CSMD3: variants seen among roughly 807,000 people sequenced by gnomAD.
The protein encoded by CSMD3 is CUB and sushi domain-containing protein 3.
CSMD3 carries 177 observed loss-of-function variants against 435.2 expected under a neutral mutation model. The ratio of observed to expected loss-of-function variants is 0.41; its 90% CI spans 0.36 to 0.46. The LOEUF (loss-of-function observed/expected upper bound fraction) is 0.46, where lower values mean the gene tolerates loss of function less well. Among genes scored for constraint, CSMD3 ranks in the 20% least tolerant of loss-of-function variants. The pLI is 0.34. For missense variants in CSMD3, 4,265 were observed against 4,504.6 expected (o/e 0.95, Z 1.52); for synonymous variants, 1,656 against 1,520.5 (o/e 1.09, Z -2.07).
At chr8:112,908,545 C>G (rs183711259) in intron 10 of CSMD3, among the ~76,000 whole-genome samples, 2 of 151,582 alleles carry the variant, frequency 1.3e-5, no homozygotes, top group Admixed American at 1.3e-4. Flanking sequence ...ATGAGCTGAT[C>G]ACATTCCTCC....
chr8:113,159,453 T>C (rs2131827103), intron 4 of CSMD3, among the ~76,000 whole-genome samples: 1 of 152,070 alleles, frequency 6.6e-6, no homozygotes, highest in East Asian at 1.9e-4. Context: ...GGGAAAAAAT[T>C]CAGAGTTGGG....
intron 13 of CSMD3, among the ~76,000 whole-genome samples, chr8:112,691,251 C>T (rs552800077): frequency 6.6e-6 from 1 of 152,062 alleles, no homozygotes; most frequent in Non-Finnish European, 1.5e-5. Flanking sequence ...CTTTAAAAAA[C>T]TGGATTTGAT....
rs191680790 is a variant in CSMD3 at position 113,162,086 on chromosome 8, A to G, written c.709+11636T>C. 1.8e-3 allele frequency among the ~76,000 whole-genome samples: 281 copies of G among 152,276 alleles called. 1 individual carries two copies. The highest frequency in any genetic ancestry group is 3.3e-3 in the Non-Finnish European group (222 of 68,018). The stretch of plus-strand genomic sequence containing the variant: ...CTATTAATAAATGTTAAATTGAATT[A>G]AAGTGGAGCAGAAGGACACTGGCTC... On this transcript the variant is annotated intron_variant, in intron 4 of 70. Transcript: ENST00000297405.
chr8:112,371,497 T>TC (rs914766384), intron 38 of CSMD3, among the ~76,000 whole-genome samples: 14 of 151,894 alleles, frequency 9.2e-5, no homozygotes, highest in African/African-American at 2.2e-4. Flanking sequence ...CCTAAATGTC[T>TC]CCCCCATCTC....
At chr8:113,085,168 G>A (rs998161155) in intron 5 of CSMD3, among the ~76,000 whole-genome samples, 5 of 151,374 alleles carry the variant, frequency 3.3e-5, no homozygotes, top group African/African-American at 9.7e-5. Context: ...CAAAGTGGGA[G>A]AAAATATTTT....
At chr8:112,817,440 G>A (rs1318289299) in intron 12 of CSMD3, among the ~76,000 whole-genome samples, 1 of 51,754 alleles carries the variant, frequency 1.9e-5, no homozygotes, top group Non-Finnish European at 3.6e-5. Flanking sequence ...ACATGGGAAA[G>A]AATCTGTGAA....
chr8:112,808,847 GGACTCCT>G (rs543970160), intron 12 of CSMD3, among the ~76,000 whole-genome samples: 43 of 152,074 alleles, frequency 2.8e-4, no homozygotes, highest in African/African-American at 9.9e-4. Context: ...AGCAATAAAA[GGACTCCT>G]GAATTAGTCT....
intron 13 of CSMD3, among the ~76,000 whole-genome samples, chr8:112,691,684 T>C (rs1469291703): frequency 1.3e-5 from 2 of 152,162 alleles, no homozygotes; most frequent in Non-Finnish European, 2.9e-5. Flanking sequence ...CTTCTAATGC[T>C]ATTAGTGTTT....
intron 3 of CSMD3, among the ~76,000 whole-genome samples, chr8:113,248,961 C>T (rs1458254086): frequency 3.3e-5 from 5 of 151,916 alleles, no homozygotes; most frequent in Admixed American, 3.3e-4. Flanking sequence ...TATGGTTTGG[C>T]TGTGTCCCCA....
chr8:113,053,294 T>G (rs574911141), intron 5 of CSMD3, among the ~76,000 whole-genome samples: 287 of 152,318 alleles, frequency 1.9e-3, no homozygotes, highest in African/African-American at 6.5e-3. Context: ...GATTGTATTC[T>G]TAAACTTTTT....
At chr8:112,752,850 G>A (rs1273672791) in intron 13 of CSMD3, among the ~76,000 whole-genome samples, 1 of 151,982 alleles carries the variant, frequency 6.6e-6, no homozygotes, top group Non-Finnish European at 1.5e-5. Context: ...TTCCTATAGT[G>A]TAAGAAGGAG....
chr8:112,317,166 T>C (rs1309995615), intron 47 of CSMD3, among the ~76,000 whole-genome samples: 1 of 152,008 alleles, frequency 6.6e-6, no homozygotes, highest in Non-Finnish European at 1.5e-5. Context: ...AAAAATTTTC[T>C]ATGTTTTCTG....
At chr8:112,771,905 A>G (rs2078126802) in intron 13 of CSMD3, among the ~76,000 whole-genome samples, 1 of 152,098 alleles carries the variant, frequency 6.6e-6, no homozygotes. Flanking sequence ...TTTCTGAGGA[A>G]AACAATTTTC....
chr8:113,057,842 T>C (rs1032045148), intron 5 of CSMD3, among the ~76,000 whole-genome samples: 5 of 151,894 alleles, frequency 3.3e-5, no homozygotes, highest in Admixed American at 6.6e-5. Flanking sequence ...AAAATAGATA[T>C]GTAGGATATG....
chr8:113,335,534 C>CTTT (rs1554614083), intron 1 of CSMD3, among the ~76,000 whole-genome samples: 1 of 76,472 alleles, frequency 1.3e-5, no homozygotes, highest in Non-Finnish European at 2.3e-5. Context: ...TCTCCTCCTC[C>CTTT]TTCTTTTTTT....
At chr8:112,948,081 T>C (rs1417800848) in intron 8 of CSMD3, among the ~76,000 whole-genome samples, 1 of 146,540 alleles carries the variant, frequency 6.8e-6, no homozygotes, top group Non-Finnish European at 1.5e-5. Flanking sequence ...ATAAATTTGC[T>C]GTTCATATTC....
intron 4 of CSMD3, among the ~76,000 whole-genome samples, chr8:113,117,489 C>T (rs1018148275): frequency 4.6e-5 from 7 of 152,186 alleles, no homozygotes; most frequent in African/African-American, 1.4e-4. Context: ...AGAATCTCTG[C>T]TAGGGCATTG....
intron 59 of CSMD3, among the ~76,000 whole-genome samples, chr8:112,278,847 G>C (rs1818339793): frequency 1.3e-5 from 2 of 152,082 alleles, no homozygotes; most frequent in African/African-American, 4.8e-5. Flanking sequence ...ATTCAAACCT[G>C]ACTTAAGCCT....
intron 1 of CSMD3, among the ~76,000 whole-genome samples, chr8:113,368,755 T>A (rs2133039384): frequency 6.6e-6 from 1 of 152,248 alleles, no homozygotes; most frequent in Admixed American, 6.5e-5. Context: ...AACAACTGAA[T>A]AATATTTACA....
Sources: allele counts gnomAD v4.1 joint callset (sites outside exome capture counted in the v4.1 genomes callset), GRCh38; gene constraint gnomAD v4.1.1; transcripts MANE v1.5; gene names NCBI Gene and HGNC (gene_info 2026-07-23, HGNC 2026-07-21).